Variants in ANK3 observed in about 807,000 individuals in gnomAD.
ANK3 encodes the protein ankyrin-3.
ANK3 carries 57 observed loss-of-function variants against 370.9 expected under a neutral mutation model. That is an observed-to-expected ratio of 0.15 (90% CI 0.12 to 0.19). ANK3 has a LOEUF of 0.19. Ranked by LOEUF, ANK3 falls within the 10% of genes least tolerant of loss-of-function variation. ANK3 has a pLI of 1.00. For missense variants in ANK3, 4,439 were observed against 5,302.1 expected, an observed-to-expected ratio of 0.84 and a Z score of 5.06; for synonymous variants, 1,929 against 1,946.3, an observed-to-expected ratio of 0.99 and a Z score of 0.23.
rs115397362 is a variant in ANK3, at chr10:60,526,689, T to C, written c.96+88497A>G. On this transcript the variant is annotated intron_variant, in intron 2 of 43. Transcript: ENST00000373827. ...TTTTCTACAACAGATTTCCAGAAAA[T>C]TATGTCAATGCAGTGGAAAAGAAAT... Among the ~76,000 whole-genome samples the C allele has an allele frequency of 5.1e-3, 769 of 152,226 alleles. 11 individuals carry two copies. Among genetic ancestry groups the C allele is most frequent in the African/African-American group, 0.017 (723 of 41,556 alleles).
intron 1 of ANK3, among the ~76,000 whole-genome samples, chr10:60,729,410 G>A (rs572258288): frequency 3.9e-5 from 6 of 152,126 alleles, no homozygotes; most frequent in Non-Finnish European, 7.4e-5. Context: ...AATCACCATA[G>A]TTATCTTCAA....
chr10:60,365,466 A>G (rs2059267903), intron 1 of ANK3, among the ~76,000 whole-genome samples: 1 of 152,216 alleles, frequency 6.6e-6, no homozygotes, highest in African/African-American at 2.4e-5. Context: ...GGAAAATTGA[A>G]TTATATGATA....
chr10:60,575,880 A>G (rs545685970), intron 2 of ANK3, among the ~76,000 whole-genome samples: 66 of 152,226 alleles, frequency 4.3e-4, no homozygotes, highest in Non-Finnish European at 7.6e-4. Context: ...CCTCTACTCT[A>G]GAAATACGCA....
chr10:60,444,878 T>G (rs539481148), intron 2 of ANK3, among the ~76,000 whole-genome samples: 1 of 152,330 alleles, frequency 6.6e-6, no homozygotes, highest in South Asian at 2.1e-4. Flanking sequence ...TCCTATTGAA[T>G]TCAGCACAAT....
intron 1 of ANK3, among the ~76,000 whole-genome samples, chr10:60,698,386 G>A (rs2079494344): frequency 6.6e-6 from 1 of 151,702 alleles, no homozygotes; most frequent in Non-Finnish European, 1.5e-5. Context: ...ATTTGACCCA[G>A]CCATCCCATT....
chr10:60,506,487 C>G (rs914180616), intron 2 of ANK3, among the ~76,000 whole-genome samples: 1 of 152,086 alleles, frequency 6.6e-6, no homozygotes, highest in Non-Finnish European at 1.5e-5. Context: ...CAAACATAAA[C>G]ACAATTCACT....
At chr10:60,494,840 G>A (rs115157149) in intron 2 of ANK3, among the ~76,000 whole-genome samples, 122 of 152,220 alleles carry the variant, frequency 8.0e-4, no homozygotes, top group Middle Eastern at 3.4e-3. Context: ...GTATATCGAT[G>A]TAAATATATA....
chr10:60,082,144 T>G lies in ANK3; in HGVS notation c.4350+6A>C. On this transcript the variant is annotated splice_donor_region_variant and intron_variant, in intron 35 of 43. Transcript: ENST00000280772. ...GATAGAATAAAAGCAGAAGTGTTTA[T>G]ATTACCTCATCATCTTGATCTGACT... 6.2e-7 allele frequency: 1 copy of G among 1,608,904 alleles called. No homozygotes were observed. Among genetic ancestry groups the G allele is most frequent in the East Asian group, 2.2e-5 (1 of 44,772 alleles).
intron 1 of ANK3, among the ~76,000 whole-genome samples, chr10:60,711,947 A>C (rs2079714890): frequency 1.3e-5 from 2 of 152,216 alleles, no homozygotes; most frequent in Non-Finnish European, 2.9e-5. Context: ...GAAAGAATAA[A>C]CCCTCAACCT....
chr10:60,530,504 C>T (rs773940449), intron 2 of ANK3, among the ~76,000 whole-genome samples: 1 of 149,142 alleles, frequency 6.7e-6, no homozygotes, highest in Non-Finnish European at 1.5e-5. Context: ...GATAAGAAAA[C>T]TAAGGCACTG....
At chr10:60,243,299 A>G (rs2097500922) in intron 7 of ANK3, among the ~76,000 whole-genome samples, 1 of 152,154 alleles carries the variant, frequency 6.6e-6, no homozygotes, top group African/African-American at 2.4e-5. Flanking sequence ...TTAATCTCCA[A>G]ATTCATATGT....
chr10:60,202,759 T>C (rs932313005), intron 12 of ANK3, among the ~76,000 whole-genome samples: 3 of 151,948 alleles, frequency 2.0e-5, no homozygotes, highest in Middle Eastern at 6.3e-3. Flanking sequence ...CATTTAAAAA[T>C]TAGCCAGGCA....
At chr10:60,235,550 G>GTTTTTTTTTTTTTTTTTTTTTTTTTT (rs72388493) in intron 7 of ANK3, among the ~76,000 whole-genome samples, 1 of 115,052 alleles carries the variant, frequency 8.7e-6, no homozygotes, top group Non-Finnish European at 1.7e-5. Flanking sequence ...CTGATTTCTT[G>GTTTTTTTTTTTTTTTTTTTTTTTTTT]TTTTTTTTTT....
intron 1 of ANK3, among the ~76,000 whole-genome samples, chr10:60,680,563 C>G (rs1222615089): frequency 6.6e-6 from 1 of 152,226 alleles, no homozygotes; most frequent in Non-Finnish European, 1.5e-5. Flanking sequence ...TCCATTCACT[C>G]TACCTCCTCT....
chr10:60,102,338 T>C (rs1015466104), intron 28 of ANK3, among the ~76,000 whole-genome samples: 1 of 152,012 alleles, frequency 6.6e-6, no homozygotes, highest in Non-Finnish European at 1.5e-5. Context: ...ACTGATTGAG[T>C]GATTCTCATA....
At chr10:60,630,593 G>A (rs1412063970) in intron 1 of ANK3, among the ~76,000 whole-genome samples, 1 of 152,184 alleles carries the variant, frequency 6.6e-6, no homozygotes, top group Non-Finnish European at 1.5e-5. Context: ...CAGGTTGCAG[G>A]TCAGTGATCT....
At chr10:60,145,063 T>A (rs897666115) in intron 23 of ANK3, among the ~76,000 whole-genome samples, 3 of 152,194 alleles carry the variant, frequency 2.0e-5, no homozygotes, top group African/African-American at 4.8e-5. Flanking sequence ...TGTTTTCCCA[T>A]CTGGCTGGAG....
intron 2 of ANK3, among the ~76,000 whole-genome samples, chr10:60,551,554 A>G (rs2077088396): frequency 6.6e-6 from 1 of 152,162 alleles, no homozygotes; most frequent in Admixed American, 6.6e-5. Context: ...TGAGCTTTGA[A>G]TTTTGATTTG....
intron 1 of ANK3, among the ~76,000 whole-genome samples, chr10:60,617,246 G>T (rs1367797519): frequency 5.3e-5 from 8 of 152,064 alleles, no homozygotes; most frequent in African/African-American, 1.9e-4. Context: ...CCTCAATCCA[G>T]CATCAATTAA....
Sources: allele counts gnomAD v4.1 joint callset (sites outside exome capture counted in the v4.1 genomes callset), GRCh38; gene constraint gnomAD v4.1.1; transcripts MANE v1.5; gene names NCBI Gene and HGNC (gene_info 2026-07-23, HGNC 2026-07-21).